ANKRD6: variants seen among roughly 807,000 people sequenced by gnomAD.
The protein encoded by ANKRD6 is ankyrin repeat domain 6, also known as ankyrin repeat domain-containing protein 6.
ANKRD6 carries 56 observed loss-of-function variants against 82.3 expected under a neutral mutation model. The ratio of observed to expected loss-of-function variants is 0.68; its 90% CI spans 0.55 to 0.85. The LOEUF is 0.85. ANKRD6 is among the 40% of genes least tolerant of loss of function. ANKRD6 has a pLI of 0.00. For synonymous variants in ANKRD6, 347 were observed against 352.1 expected, an observed-to-expected ratio of 0.99 and a Z score of 0.16; for missense variants, 852 against 907.6, an observed-to-expected ratio of 0.94 and a Z score of 0.79.
rs185932431 is a variant in ANKRD6, at chr6:89,475,650, G to A, written c.-144+42275G>A. ...TCTGAATGAAACTGTCCCTCTCACAGCCCCCAGCCTCCCACTGTCCTAGAT... is the reference window on the plus strand; with the variant it reads ...TCTGAATGAAACTGTCCCTCTCACAACCCCCAGCCTCCCACTGTCCTAGAT... On this transcript the variant is annotated intron_variant, in intron 1 of 15. Transcript: ENST00000339746. Among the ~76,000 whole-genome samples, 4 of 152,238 alleles carry A rather than the reference G, an allele frequency of 2.6e-5. No individual in the cohort carries two copies. The East Asian group carries it at 7.7e-4, about 29-fold the overall frequency.
At chr6:89,441,224 G>A (rs1771335768) in intron 1 of ANKRD6, among the ~76,000 whole-genome samples, 1 of 151,868 alleles carries the variant, frequency 6.6e-6, no homozygotes, top group South Asian at 2.1e-4. Context: ...GATCTCAGTT[G>A]GCTGCAACCT....
intron 2 of ANKRD6, among the ~76,000 whole-genome samples, chr6:89,590,897 G>A (rs1362581065): frequency 6.6e-6 from 1 of 152,154 alleles, no homozygotes; most frequent in East Asian, 1.9e-4. Context: ...ATTAGCTAAC[G>A]TGTAAAATTC....
intron 1 of ANKRD6, among the ~76,000 whole-genome samples, chr6:89,554,189 C>T (rs925277585): frequency 6.6e-6 from 1 of 152,196 alleles, no homozygotes; most frequent in Admixed American, 6.5e-5. Flanking sequence ...TTTATGCTGT[C>T]ACAGTTCTGG....
At chr6:89,565,144 G>A (rs776516845) in intron 1 of ANKRD6, 1 of 152,084 alleles carries the variant, frequency 6.6e-6, no homozygotes, top group African/African-American at 2.4e-5. Context: ...GGCATTTCCA[G>A]TTCCATTACT....
intron 1 of ANKRD6, among the ~76,000 whole-genome samples, chr6:89,532,569 A>C: frequency 6.6e-6 from 1 of 152,080 alleles, no homozygotes; most frequent in Admixed American, 6.5e-5. Flanking sequence ...TGCCTTCCCC[A>C]CTAGAATTTA....
At chr6:89,608,173 T>C (rs1361168495) in intron 5 of ANKRD6, among the ~76,000 whole-genome samples, 3 of 152,180 alleles carry the variant, frequency 2.0e-5, no homozygotes, top group Non-Finnish European at 4.4e-5. Context: ...CCCTCTTTTC[T>C]TTCCCTGGAT....
chr6:89,451,937 C>T (rs538137388), intron 1 of ANKRD6, among the ~76,000 whole-genome samples: 56 of 152,104 alleles, frequency 3.7e-4, no homozygotes, highest in Non-Finnish European at 7.1e-4. Context: ...TGGCTCACAC[C>T]TCTAATCCCA....
rs776789198 is a variant in ANKRD6, at chr6:89,627,601, C to A, written c.1390C>A (p.Leu464Met). 9 of 1,613,664 alleles carry A rather than the reference C, an allele frequency of 5.6e-6. No homozygotes were observed. The Admixed American group carries it at 1.5e-4, about 27-fold the overall frequency. Residue 464 changes from leucine (L) to methionine (M), a missense_variant, in exon 14 of 16, where the codon CTG (leucine) becomes ATG (methionine). Coordinates refer to ENST00000339746, the MANE Select transcript of ANKRD6 (RefSeq NM_001242809.2). ...TQHQMRVLDK[L>M]MVERLSAERT... is the part of the protein sequence containing the mutation. ...CTCCTAGATGCGTGTTTTGGACAAGCTGATGGTTGAGCGACTTTCTGCAGA... is the reference window on the plus strand; with the variant it reads ...CTCCTAGATGCGTGTTTTGGACAAGATGATGGTTGAGCGACTTTCTGCAGA...
At chr6:89,575,460 T>C (rs368916750) in intron 2 of ANKRD6, among the ~76,000 whole-genome samples, 7 of 152,268 alleles carry the variant, frequency 4.6e-5, no homozygotes, top group Admixed American at 3.3e-4. Flanking sequence ...ATGTTTCCAC[T>C]ATGTGGTTTA....
Position 89,552,646 on chromosome 6 carries a change from T to C in ANKRD6, c.-143-14188T>C, listed in dbSNP as rs1583239482. ...TTACATAGGCATACATACACCCTAATATTTAGTGAGTGCTTTTTCTGTGCC... is the reference window on the plus strand; with the variant it reads ...TTACATAGGCATACATACACCCTAACATTTAGTGAGTGCTTTTTCTGTGCC... On this transcript the variant is annotated intron_variant, in intron 1 of 15. Coordinates refer to ENST00000339746, the MANE Select transcript of ANKRD6 (RefSeq NM_001242809.2). Among the ~76,000 whole-genome samples, 4 of 152,320 alleles carry C rather than the reference T, an allele frequency of 2.6e-5. No homozygotes were observed. The Middle Eastern group carries it at 0.01, about 389-fold the overall frequency.
At chr6:89,490,731 C>G (rs1777917889) in intron 1 of ANKRD6, among the ~76,000 whole-genome samples, 1 of 152,142 alleles carries the variant, frequency 6.6e-6, no homozygotes, top group Admixed American at 6.5e-5. Flanking sequence ...CAGGGTGTGT[C>G]TTTGAGAGAA....
In ANKRD6 at chr6:89,630,829, A is replaced by C; in HGVS notation, c.2009A>C (p.Tyr670Ser). 1 of 1,613,926 alleles carries C rather than the reference A, an allele frequency of 6.2e-7. No individual in the cohort carries two copies. The highest frequency in any genetic ancestry group is 8.5e-7 in the Non-Finnish European group (1 of 1,179,886). ...DTSQALELTQ[Y>S]FFEAVSTQME... ...TCCCAAGCTCTGGAGCTTACCCAGT[A>C]TTTTTTTGAGGCTGTTTCTACCCAG... Residue 670 changes from tyrosine (Y) to serine (S), a missense_variant, in exon 16 of 16, where the codon TAT becomes TCT. By Grantham distance (144) the Tyr-to-Ser change is moderately radical. Coordinates refer to ENST00000339746, the MANE Select transcript of ANKRD6 (RefSeq NM_001242809.2).
intron 2 of ANKRD6, among the ~76,000 whole-genome samples, chr6:89,575,915 G>T (rs2128102243): frequency 6.6e-6 from 1 of 152,314 alleles, no homozygotes; most frequent in African/African-American, 2.4e-5. Context: ...GGATGGGGTT[G>T]TCATGCACAG....
chr6:89,516,808 T>C (rs1391172904), intron 1 of ANKRD6, among the ~76,000 whole-genome samples: 1 of 152,196 alleles, frequency 6.6e-6, no homozygotes, highest in Non-Finnish European at 1.5e-5. Flanking sequence ...CATATCTATC[T>C]GTATATCTCC....
chr6:89,510,540 C>G (rs1780407720), intron 1 of ANKRD6, among the ~76,000 whole-genome samples: 1 of 152,090 alleles, frequency 6.6e-6, no homozygotes, highest in Admixed American at 6.6e-5. Context: ...TTATTGATAT[C>G]TAGTTCACAT....
rs536765962 is a variant in ANKRD6 at position 89,596,011 on chromosome 6, T to A, written c.216T>A (p.Asp72Glu). ...CTGGCTGCGACCTTGATGTCCAGGA[T>A]GATGTGAGTAGAAGCCATCATTCTA... is the stretch of plus-strand genomic sequence containing the variant. ...LKAGCDLDVQDDGDQTALHRA... is the reference protein window; with the variant it reads ...LKAGCDLDVQEDGDQTALHRA... The change falls in exon 3 of 16, where the codon GAT (aspartate) becomes GAA (glutamate). Residue 72 changes from aspartate (D) to glutamate (E), a missense_variant. Transcript: ENST00000339746. The A allele has an allele frequency of 6.2e-7, 1 of 1,606,024 alleles. No homozygotes were observed. Among genetic ancestry groups the A allele is most frequent in the Non-Finnish European group, 8.5e-7 (1 of 1,176,246 alleles).
At chr6:89,599,788 A>C (rs1796690865) in intron 3 of ANKRD6, among the ~76,000 whole-genome samples, 1 of 152,182 alleles carries the variant, frequency 6.6e-6, no homozygotes, top group African/African-American at 2.4e-5. Flanking sequence ...GGGTTTTTCA[A>C]AGCCTGAGAA....
chr6:89,578,054 C>A (rs987035423), intron 2 of ANKRD6, among the ~76,000 whole-genome samples: 1 of 152,088 alleles, frequency 6.6e-6, no homozygotes, highest in Non-Finnish European at 1.5e-5. Flanking sequence ...AGAGGGTGAG[C>A]CCCCCAGAGT....
chr6:89,518,017 A>G (rs1266868215), intron 1 of ANKRD6, among the ~76,000 whole-genome samples: 2 of 152,256 alleles, frequency 1.3e-5, no homozygotes, highest in Non-Finnish European at 2.9e-5. Flanking sequence ...GTGCTATGCC[A>G]GGTACTGAAG....
Sources: allele counts gnomAD v4.1 joint callset (sites outside exome capture counted in the v4.1 genomes callset), GRCh38; gene constraint gnomAD v4.1.1; transcripts MANE v1.5; gene names NCBI Gene and HGNC (gene_info 2026-07-23, HGNC 2026-07-21).